CYRIB: variants seen among roughly 807,000 people sequenced by gnomAD.
CYRIB encodes the protein CYFIP related Rac1 interactor B.
In CYRIB, 8 loss-of-function variants were observed where a neutral mutation model predicts 44.2. The observed-to-expected ratio is 0.18, with a 90% CI of 0.11 to 0.33. The LOEUF (loss-of-function observed/expected upper bound fraction) is 0.33. CYRIB is among the 10% of genes least tolerant of loss of function. CYRIB has a pLI of 1.00. For missense variants in CYRIB, 185 were observed against 382.8 expected (o/e 0.48, Z 4.31); for synonymous variants, 131 against 127.2 (o/e 1.03, Z -0.20).
intron 1 of CYRIB, among the ~76,000 whole-genome samples, chr8:130,005,555 A>T (rs1298000462): frequency 6.6e-6 from 1 of 152,218 alleles, no homozygotes; most frequent in African/African-American, 2.4e-5. Flanking sequence ...TTCGACTGGA[A>T]TCAGAGCCCC....
intron 9 of CYRIB, chr8:129,850,322 T>A (rs919679015): frequency 1.3e-5 from 2 of 158,554 alleles, no homozygotes; most frequent in East Asian, 1.9e-4. Context: ...GTATCATACA[T>A]CATAAATGTT....
chr8:130,014,577 G>A (rs1257967731), intron 1 of CYRIB, among the ~76,000 whole-genome samples: 1 of 152,174 alleles, frequency 6.6e-6, no homozygotes, highest in East Asian at 1.9e-4. Context: ...CCTAAGAGAG[G>A]CACACAGAAG....
chr8:129,991,943 C>CAAAAAAAAAAAAAAAAAAA (rs35897320), intron 1 of CYRIB, among the ~76,000 whole-genome samples: 1 of 19,206 alleles, frequency 5.2e-5, no homozygotes, highest in African/African-American at 1.9e-4. Context: ...AGCAGAGTCG[C>CAAAAAAAAAAAAAAAAAAA]AAAAAAAAAA....
intron 2 of CYRIB, among the ~76,000 whole-genome samples, chr8:129,898,786 G>T (rs1324949325): frequency 6.6e-6 from 1 of 152,136 alleles, no homozygotes; most frequent in Non-Finnish European, 1.5e-5. Context: ...GTGCTAAAAA[G>T]AGTCCAGCAG....
chr8:129,869,870 ATAG>A (rs1353490230), intron 4 of CYRIB, among the ~76,000 whole-genome samples: 7 of 152,036 alleles, frequency 4.6e-5, no homozygotes, highest in African/African-American at 1.7e-4. Flanking sequence ...TAAACACTCA[ATAG>A]TAATGTTTTA....
intron 1 of CYRIB, among the ~76,000 whole-genome samples, chr8:129,981,578 A>G (rs2096242108): frequency 1.3e-5 from 2 of 152,342 alleles, no homozygotes; most frequent in Admixed American, 1.3e-4. Flanking sequence ...AGGATGTATC[A>G]CTTTTAAAGG....
At chr8:129,969,163 G>A (rs982766696) in intron 2 of CYRIB, among the ~76,000 whole-genome samples, 11 of 151,974 alleles carry the variant, frequency 7.2e-5, no homozygotes, top group Admixed American at 2.6e-4. Flanking sequence ...ACAGGCATGC[G>A]CCACCACACC....
intron 4 of CYRIB, among the ~76,000 whole-genome samples, chr8:129,868,010 G>C (rs1366297934): frequency 1.3e-5 from 2 of 152,094 alleles, no homozygotes; most frequent in Non-Finnish European, 2.9e-5. Flanking sequence ...GCACTTACTA[G>C]CAAAGCTGAC....
At chr8:129,914,096 A>T (rs1331347114) in intron 1 of CYRIB, among the ~76,000 whole-genome samples, 1 of 152,250 alleles carries the variant, frequency 6.6e-6, no homozygotes. Context: ...GCTGCAGAGC[A>T]GTAGCTGTCC....
chr8:130,000,519 C>T lies in CYRIB; in HGVS notation c.-296+15851G>A, dbSNP rs544691098. Among the ~76,000 whole-genome samples, 8 of 151,878 alleles carry T rather than the reference C, an allele frequency of 5.3e-5. No homozygotes were observed. In the South Asian group the frequency reaches 1.2e-3, roughly 24 times the overall value. On this transcript the variant is annotated intron_variant, in intron 1 of 14. Transcript: ENST00000401979. ...ACCAGCCTGGCCAACACAGTGAAAC[C>T]CCATCTCTACTAAAAATATAAAAAT...
upstream of CYRIB, among the ~76,000 whole-genome samples, chr8:129,941,273 A>ATTTTTT (rs11418510): frequency 1.6e-5 from 2 of 125,900 alleles, no homozygotes; most frequent in African/African-American, 3.1e-5. Context: ...ACTGAAGGAG[A>ATTTTTT]TTTTTTTTTT....
At chr8:129,863,581 A>G (rs1044049184) in intron 4 of CYRIB, among the ~76,000 whole-genome samples, 2 of 151,988 alleles carry the variant, frequency 1.3e-5, no homozygotes, top group African/African-American at 2.4e-5. Flanking sequence ...CTTATTCTCT[A>G]TAACTAAAAT....
Position 130,006,614 on chromosome 8 carries a change from A to ATGTATATATATATATATATG in CYRIB, c.-296+9755_-296+9756insCATATATATATATATATACA, listed in dbSNP as rs1564798254. Among the ~76,000 whole-genome samples, 30 of 16,624 alleles carry ATGTATATATATATATATATG rather than the reference A, an allele frequency of 1.8e-3. 1 individual carries two copies. The highest frequency in any genetic ancestry group is 5.4e-3 in the East Asian group (3 of 554). 10.9% of individuals were successfully genotyped at this position (16,624 alleles called of 152,430 possible). A position where few individuals can be genotyped will look rare whatever the true frequency, so the allele number is the denominator to read the frequency against. On this transcript the variant is annotated intron_variant, in intron 1 of 14. Transcript: ENST00000401979. ...ACAAATTATATATATATACATATAT[A>ATGTATATATATATATATATG]TGTGTATATATATACATATATATGT...
chr8:129,989,241 T>G (rs1446242396), intron 1 of CYRIB, among the ~76,000 whole-genome samples: 1 of 152,168 alleles, frequency 6.6e-6, no homozygotes, highest in Non-Finnish European at 1.5e-5. Context: ...GCAGGACGAC[T>G]GGAGCCTTCC....
intron 7 of CYRIB, 148 bp downstream of exon 9, chr8:129,854,118 G>A (rs535032574): frequency 5.9e-4 from 382 of 648,938 alleles, no homozygotes; most frequent in Admixed American, 1.0e-3. Context: ...GTTACAGTTT[G>A]CTTTTCCTCC....
At chr8:129,969,373 C>A (rs1402995340) in intron 2 of CYRIB, among the ~76,000 whole-genome samples, 1 of 152,186 alleles carries the variant, frequency 6.6e-6, no homozygotes, top group East Asian at 1.9e-4. Context: ...AGATAAAATT[C>A]TTATATTTCC....
intron 1 of CYRIB, among the ~76,000 whole-genome samples, chr8:130,011,701 C>T (rs55878330): frequency 0.16 from 24,381 of 148,892 alleles, 2,343 homozygotes; most frequent in African/African-American, 0.28. Flanking sequence ...GGCATGGTGG[C>T]GGGTGCCTGT....
At chr8:129,901,188 G>T (rs1044722548) in intron 2 of CYRIB, among the ~76,000 whole-genome samples, 2 of 152,158 alleles carry the variant, frequency 1.3e-5, no homozygotes, top group East Asian at 3.9e-4. Flanking sequence ...CTTCTTCAAA[G>T]CTATTTCACA....
intron 10 of CYRIB, among the ~76,000 whole-genome samples, chr8:129,847,904 C>T (rs772264209): frequency 1.6e-4 from 25 of 152,140 alleles, no homozygotes; most frequent in African/African-American, 4.1e-4. Flanking sequence ...TGGATTTAAG[C>T]GATTCTCCCA....
Sources: gnomAD v4.1 joint callset for allele counts (sites outside exome capture counted in the v4.1 genomes callset) on GRCh38, gnomAD v4.1.1 for gene constraint, MANE v1.5 for transcripts, NCBI Gene and HGNC (gene_info 2026-07-23, HGNC 2026-07-21) for gene names.